RPS6KA2: variants seen among roughly 807,000 people sequenced by gnomAD.
RPS6KA2 encodes the protein ribosomal protein S6 kinase alpha-2.
Under a neutral mutation model 91.8 loss-of-function variants are expected in RPS6KA2, and 42 were observed. The ratio of observed to expected loss-of-function variants is 0.46; its 90% CI spans 0.36 to 0.59. The LOEUF is 0.59. Among genes scored for constraint, RPS6KA2 ranks in the 20% least tolerant of loss-of-function variants. The probability of loss-of-function intolerance (pLI) is 0.00; values close to 1 mark genes in which losing one functional copy is unlikely to be tolerated. For missense variants in RPS6KA2, 798 were observed against 978.5 expected (o/e 0.82, Z 2.46); for synonymous variants, 414 against 393.6 (o/e 1.05, Z -0.61).
intron 1 of RPS6KA2, among the ~76,000 whole-genome samples, chr6:166,565,852 C>T (rs879472802): frequency 6.6e-6 from 1 of 152,214 alleles, no homozygotes; most frequent in African/African-American, 2.4e-5. Context: ...CAGAGGTCAC[C>T]GCTGGCCATT....
chr6:166,436,719 G>A (rs921375633), intron 14 of RPS6KA2, among the ~76,000 whole-genome samples: 3 of 152,232 alleles, frequency 2.0e-5, no homozygotes, highest in Admixed American at 1.3e-4. Flanking sequence ...ACAGGGCAGC[G>A]AGGAGGGTGG....
chr6:166,456,018 G>A (rs1236553771), intron 12 of RPS6KA2, among the ~76,000 whole-genome samples: 2 of 152,230 alleles, frequency 1.3e-5, no homozygotes, highest in Non-Finnish European at 2.9e-5. Flanking sequence ...GAGTGTGTGC[G>A]GGGGTGGGGG....
At position 166,587,151 on chromosome 6, in the gene RPS6KA2, G is replaced by A. The variant is rs189797241; in HGVS notation, c.99+39770C>T. On this transcript the variant is annotated intron_variant, in intron 1 of 20. Transcript: ENST00000265678. ...CCCTGACATTAGACTAACACATAAG[G>A]AAGAAATAATTTTTCTTTTATGAAC... Among the ~76,000 whole-genome samples, 300 of 152,272 alleles carry A rather than the reference G, an allele frequency of 2.0e-3. 3 individuals are homozygous for A. Among genetic ancestry groups the A allele is most frequent in the Non-Finnish European group, 6.0e-4 (41 of 68,038 alleles).
chr6:166,706,293 C>A (rs1168471885), intron 2 of RPS6KA2, among the ~76,000 whole-genome samples: 1 of 152,120 alleles, frequency 6.6e-6, no homozygotes, highest in African/African-American at 2.4e-5. Flanking sequence ...AAAAGATAGG[C>A]AACCCAACCC....
At chr6:166,453,196 A>ATC (rs1486656259) in intron 12 of RPS6KA2, among the ~76,000 whole-genome samples, 1 of 117,638 alleles carries the variant, frequency 8.5e-6, no homozygotes, top group Non-Finnish European at 1.6e-5. Context: ...GTGAGACTCC[A>ATC]TCACACACAC....
At chr6:166,568,666 A>AAAAAAAAAAAAAAAAAAC (rs1784583721) in intron 1 of RPS6KA2, among the ~76,000 whole-genome samples, 1 of 141,042 alleles carries the variant, frequency 7.1e-6, no homozygotes, top group Non-Finnish European at 1.5e-5. Flanking sequence ...AAAAAAGCAA[A>AAAAAAAAAAAAAAAAAAC]ATTTTTTACT....
At chr6:166,809,247 C>T (rs1217861339) in intron 2 of RPS6KA2, among the ~76,000 whole-genome samples, 1 of 152,156 alleles carries the variant, frequency 6.6e-6, no homozygotes, top group African/African-American at 2.4e-5. Flanking sequence ...AATTTAAACT[C>T]TAAAGCTCAG....
chr6:166,580,597 C>T (rs1208243112), intron 1 of RPS6KA2, among the ~76,000 whole-genome samples: 3 of 152,174 alleles, frequency 2.0e-5, no homozygotes, highest in African/African-American at 4.8e-5. Context: ...CTGGATTGTA[C>T]CCAGTCCATG....
chr6:166,818,466 C>G (rs1779825628), intron 2 of RPS6KA2, among the ~76,000 whole-genome samples: 1 of 152,186 alleles, frequency 6.6e-6, no homozygotes, highest in Non-Finnish European at 1.5e-5. Flanking sequence ...GCTGGCAGGT[C>G]CATCCCTCAT....
rs1045687059 is a variant in RPS6KA2, at chr6:166,665,720, T to C, written c.124-126936A>G. ...CGGCCCTGACCAAGCTTAGGTCCCATGAAATGAGCCCCACTTGCAGAGCTT... is the reference window on the plus strand; with the variant it reads ...CGGCCCTGACCAAGCTTAGGTCCCACGAAATGAGCCCCACTTGCAGAGCTT... On this transcript the variant is annotated intron_variant, in intron 2 of 21. Transcript: ENST00000503859. This position sits in a 1 kb window ranked among gnomAD's most constrained non-coding sequence, Gnocchi z 4.5. Among the ~76,000 whole-genome samples, 9 of 152,186 alleles carry C rather than the reference T, an allele frequency of 5.9e-5. No homozygotes were observed. Among genetic ancestry groups the C allele is most frequent in the African/African-American group, 2.2e-4 (9 of 41,456 alleles).
At chr6:166,497,322 C>A (rs1781824007) in intron 8 of RPS6KA2, among the ~76,000 whole-genome samples, 1 of 152,234 alleles carries the variant, frequency 6.6e-6, no homozygotes, top group Non-Finnish European at 1.5e-5. Context: ...ACGTGTTGAA[C>A]TGCACGACTG....
At chr6:166,703,865 A>G (rs112333050) in intron 2 of RPS6KA2, among the ~76,000 whole-genome samples, 102 of 152,366 alleles carry the variant, frequency 6.7e-4, no homozygotes, top group African/African-American at 2.4e-3. Context: ...AAACAAAAGG[A>G]GAATGGAAAA....
chr6:166,507,094 C>T (rs1389216418), intron 5 of RPS6KA2, among the ~76,000 whole-genome samples: 1 of 151,984 alleles, frequency 6.6e-6, no homozygotes, highest in Non-Finnish European at 1.5e-5. Context: ...GAAGACCACA[C>T]CCGATGCTCC....
At position 166,626,903 on chromosome 6, in the gene RPS6KA2, C is replaced by A. The variant is rs764218136; in HGVS notation, c.99+18G>T. 6 of 1,485,494 alleles carry A rather than the reference C, an allele frequency of 4.0e-6. No individual in the cohort carries two copies. The highest frequency in any genetic ancestry group is 5.4e-6 in the Non-Finnish European group (6 of 1,111,684). The allele number at this position is 1,485,494 out of a possible 1,614,324, so 92.0% of individuals were successfully genotyped here. On this transcript the variant is annotated intron_variant, in intron 1 of 20. Coordinates refer to ENST00000265678, the MANE Select transcript of RPS6KA2 (RefSeq NM_021135.6). This position sits in a 1 kb window ranked among gnomAD's most constrained non-coding sequence, Gnocchi z 4.1. ...CTCAGTGCCCGGCACCTGCGCGCCC[C>A]GAGGGCGGCCGCATTACCTCGAGCC...
Position 166,554,169 on chromosome 6 carries a change from T to C in RPS6KA2, c.100-15385A>G, listed in dbSNP as rs1784108702. Among the ~76,000 whole-genome samples the C allele has an allele frequency of 6.6e-6, 1 of 152,256 alleles. No homozygotes were observed. Among genetic ancestry groups the C allele is most frequent in the Non-Finnish European group, 1.5e-5 (1 of 68,044 alleles). Reference sequence around the variant, plus strand: ...GCAGTTCGTAAGTTCAGCTTTCTGCTACTTCTTCCCACAGAGTGACATATT... The same window carrying C: ...GCAGTTCGTAAGTTCAGCTTTCTGCCACTTCTTCCCACAGAGTGACATATT... On this transcript the variant is annotated intron_variant, in intron 1 of 20. Coordinates refer to ENST00000265678, the MANE Select transcript of RPS6KA2 (RefSeq NM_021135.6). The surrounding 1 kb of genome is among the most constrained non-coding windows in gnomAD (Gnocchi z 4.3).
intron 2 of RPS6KA2, among the ~76,000 whole-genome samples, chr6:166,748,312 A>G (rs920744361): frequency 7.2e-5 from 11 of 152,084 alleles, no homozygotes; most frequent in Non-Finnish European, 2.9e-5. Flanking sequence ...CCACCTCCCC[A>G]GGCAGGAGAA....
In RPS6KA2 at chr6:166,626,717, GACCCACGGA is replaced by G. The variant is rs1351493083; in HGVS notation, c.99+195_99+203del. ...GTGGGGGTGGAGTTGCCCCCGCGAGGACCCACGGACCGCCCAATTACTACGGAGTCCCAG... is the reference window on the plus strand; with the variant it reads ...GTGGGGGTGGAGTTGCCCCCGCGAGGCCGCCCAATTACTACGGAGTCCCAG... On this transcript the variant is annotated intron_variant, in intron 1 of 20. Transcript: ENST00000265678. The surrounding 1 kb of genome is among the most constrained non-coding windows in gnomAD (Gnocchi z 4.1). 2.6e-5 allele frequency among the ~76,000 whole-genome samples: 4 copies of G among 152,232 alleles called. No homozygotes were observed. The highest frequency in any genetic ancestry group is 4.4e-5 in the Non-Finnish European group (3 of 68,040).
chr6:166,752,935 C>A (rs1438164766), intron 2 of RPS6KA2, among the ~76,000 whole-genome samples: 2 of 152,244 alleles, frequency 1.3e-5, no homozygotes, highest in East Asian at 3.8e-4. Context: ...CCTAACTCTG[C>A]ACCTGGATTT....
rs186018220 is a variant in RPS6KA2 at position 166,836,673 on chromosome 6, A to G, written c.123+21527T>C. ...CTCTTTCTGGTAGATCTCTCATCAT[A>G]TTTATTATAGTTACTTTCAAGTCTC... On this transcript the variant is annotated intron_variant, in intron 2 of 21. Transcript: ENST00000503859. 1.8e-3 allele frequency among the ~76,000 whole-genome samples: 279 copies of G among 152,048 alleles called. 1 individual carries two copies. Among genetic ancestry groups the G allele is most frequent in the African/African-American group, 6.5e-3 (268 of 41,442 alleles).
Sources: gnomAD v4.1 joint callset for allele counts (sites outside exome capture counted in the v4.1 genomes callset) on GRCh38, gnomAD v4.1.1 for gene constraint, Gnocchi (gnomAD v3.1) non-coding constraint, MANE v1.5 for transcripts, NCBI Gene and HGNC (gene_info 2026-07-23, HGNC 2026-07-21) for gene names.